Variants in KMT2E observed in about 807,000 individuals in gnomAD.
The protein encoded by KMT2E is histone reader KMT2E.
A neutral mutation model predicts 184.6 loss-of-function variants in KMT2E; 30 were observed. That is an observed-to-expected ratio of 0.16 (90% CI 0.12 to 0.22). KMT2E has a LOEUF of 0.22. KMT2E is among the 10% of genes least tolerant of loss of function. The pLI, the probability that KMT2E is intolerant of heterozygous loss-of-function variation, is 1.00. For missense variants in KMT2E, 2,023 were observed against 2,237.4 expected, an observed-to-expected ratio of 0.90 and a Z score of 1.93; for synonymous variants, 815 against 776.5, an observed-to-expected ratio of 1.05 and a Z score of -0.82.
intron 1 of KMT2E, among the ~76,000 whole-genome samples, chr7:105,035,117 T>C (rs1462506617): frequency 6.6e-6 from 1 of 150,408 alleles, no homozygotes; most frequent in Non-Finnish European, 1.5e-5. Context: ...CTCCGCCTCC[T>C]GGGTTCATGC....
chr7:105,112,787 A>ACTCCCCCC lies in KMT2E; in HGVS notation c.5032_5033insTCCCCCCC (p.Pro1678LeufsTer37). 6.8e-7 allele frequency: 1 copy of ACTCCCCCC among 1,462,824 alleles called. No individual in the cohort carries two copies. The highest frequency in any genetic ancestry group is 1.2e-5 in the South Asian group (1 of 86,788). 90.6% of individuals were successfully genotyped at this position (1,462,824 alleles called of 1,614,324 possible). A position where few individuals can be genotyped will look rare whatever the true frequency, so the allele number is the denominator to read the frequency against. ...ATTCTCAAACTGCTGGACACCACTT[A>ACTCCCCCC]CCCCCACCCCCACCCCCTCCTGGTC... On this transcript the variant is annotated frameshift_variant, in exon 27 of 27. Coordinates refer to ENST00000311117, the MANE Select transcript of KMT2E (RefSeq NM_182931.3). LOFTEE classifies it high-confidence loss of function.
intron 2 of KMT2E, among the ~76,000 whole-genome samples, chr7:105,039,513 C>T (rs962668983): frequency 6.6e-6 from 1 of 152,166 alleles, no homozygotes; most frequent in African/African-American, 2.4e-5. Flanking sequence ...ATTCTTATAT[C>T]TGCCTGTAAT....
intron 1 of KMT2E, among the ~76,000 whole-genome samples, chr7:105,027,261 T>C (rs1325992771): frequency 6.6e-6 from 1 of 151,254 alleles, no homozygotes; most frequent in Non-Finnish European, 1.5e-5. Flanking sequence ...TTAAAACAAA[T>C]TTTTTTTTGT....
chr7:105,018,482 A>C (rs1354745513), intron 1 of KMT2E, among the ~76,000 whole-genome samples: 2 of 152,194 alleles, frequency 1.3e-5, no homozygotes, highest in East Asian at 3.8e-4. Context: ...TTTACATCTC[A>C]AATATGTAGG....
chr7:105,087,506 C>T (rs996258747), intron 13 of KMT2E, among the ~76,000 whole-genome samples: 57 of 151,202 alleles, frequency 3.8e-4, no homozygotes, highest in African/African-American at 1.4e-3. Flanking sequence ...TCACTGCAAC[C>T]TCCGCCTCCT....
intron 4 of KMT2E, 121 bp from the exon 5 acceptor site, chr7:105,063,230 A>G (rs1244287669): frequency 3.0e-6 from 2 of 672,850 alleles, no homozygotes; most frequent in African/African-American, 3.7e-5. Context: ...TAAGGAAGGA[A>G]TGAGCCAGTC....
At chr7:105,038,319 G>A (rs958515613) in intron 2 of KMT2E, 120 bp downstream of exon 2, 2 of 151,514 alleles carry the variant, frequency 1.3e-5, no homozygotes, top group African/African-American at 2.4e-5. Context: ...GTGAAACATT[G>A]TGTTAATTGT....
intron 1 of KMT2E, among the ~76,000 whole-genome samples, chr7:105,020,837 G>T (rs780806953): frequency 6.6e-6 from 1 of 152,176 alleles, no homozygotes; most frequent in Non-Finnish European, 1.5e-5. Flanking sequence ...TTAGTAAAAA[G>T]TGAGGAATAT....
chr7:105,097,271 ATGC>A (rs1411410014), intron 15 of KMT2E, among the ~76,000 whole-genome samples: 3 of 151,852 alleles, frequency 2.0e-5, no homozygotes, highest in African/African-American at 2.4e-5. Flanking sequence ...TCCTCCGTTG[ATGC>A]TGATTTTTTT....
At chr7:105,056,378 A>T (rs1326147096) in intron 3 of KMT2E, among the ~76,000 whole-genome samples, 1 of 152,178 alleles carries the variant, frequency 6.6e-6, no homozygotes, top group Non-Finnish European at 1.5e-5. Flanking sequence ...GGCTCTATCT[A>T]TTACAAGGGT....
chr7:105,054,097 G>A (rs1003754150), intron 3 of KMT2E, among the ~76,000 whole-genome samples: 3 of 151,950 alleles, frequency 2.0e-5, no homozygotes, highest in East Asian at 1.9e-4. Flanking sequence ...ACTTGAACCC[G>A]GGAGGTGGAG....
At chr7:105,107,274 T>C in intron 21 of KMT2E, 52 bp downstream of exon 21, 1 of 1,501,842 alleles carries the variant, frequency 6.7e-7, no homozygotes, top group South Asian at 1.2e-5. Context: ...CCTATTACAT[T>C]GTTTTCCTTA....
At chr7:105,084,458 T>A (rs1398973062) in intron 13 of KMT2E, among the ~76,000 whole-genome samples, 3 of 152,070 alleles carry the variant, frequency 2.0e-5, no homozygotes, top group Non-Finnish European at 4.4e-5. Flanking sequence ...AAACCCCATC[T>A]CTACTAAAAA....
In KMT2E at chr7:105,089,427, T is replaced by C. The variant is rs577982336; in HGVS notation, c.1359-582T>C. 167 of 231,006 alleles carry C rather than the reference T, an allele frequency of 7.2e-4. 1 individual carries two copies. The highest frequency in any genetic ancestry group is 3.2e-4 in the Non-Finnish European group (36 of 113,624). The allele number at this position is 231,006 out of a possible 1,614,324, so 14.3% of individuals were successfully genotyped here. A position where few individuals can be genotyped will look rare whatever the true frequency, so the allele number is the denominator to read the frequency against. ...TTGGCCAGGCTGGTCTCAAGTGATC[T>C]GCCCGCCTTGGCCTCCCAAAGTTCT... On this transcript the variant is annotated intron_variant, in intron 13 of 26. Coordinates refer to ENST00000311117, the MANE Select transcript of KMT2E (RefSeq NM_182931.3).
At chr7:105,028,155 T>A (rs1226054637) in intron 1 of KMT2E, among the ~76,000 whole-genome samples, 1 of 151,916 alleles carries the variant, frequency 6.6e-6, no homozygotes, top group East Asian at 1.9e-4. Flanking sequence ...CTGAGTGGCA[T>A]AGAGGAACTG....
Position 105,091,199 on chromosome 7 carries a change from T to A in KMT2E, c.1624-17T>A, listed in dbSNP as rs370777672. On this transcript the variant is annotated splice_polypyrimidine_tract_variant and intron_variant, in intron 14 of 26. Transcript: ENST00000311117. ...TGGAATAATAGTTTGTATAAAGAAGTCATTTCCATTTTTCAGGAACCAGAT... is the reference window on the plus strand; with the variant it reads ...TGGAATAATAGTTTGTATAAAGAAGACATTTCCATTTTTCAGGAACCAGAT... The A allele has an allele frequency of 1.9e-5, 22 of 1,159,458 alleles. No homozygotes were observed. The highest frequency in any genetic ancestry group is 2.7e-5 in the Non-Finnish European group (21 of 771,916). The allele number at this position is 1,159,458 out of a possible 1,614,324, so 71.8% of individuals were successfully genotyped here. A position where few individuals can be genotyped will look rare whatever the true frequency, so the allele number is the denominator to read the frequency against.
intron 23 of KMT2E, 112 bp downstream of exon 23, chr7:105,109,340 T>C: frequency 2.8e-6 from 3 of 1,083,398 alleles, no homozygotes; most frequent in Non-Finnish European, 3.9e-6. Flanking sequence ...GGTCACAATT[T>C]TAAAAGATTC....
In KMT2E at chr7:105,020,008, C is replaced by T. The variant is rs1418089747; in HGVS notation, c.-189+5473C>T. Among the ~76,000 whole-genome samples the T allele has an allele frequency of 2.7e-5, 4 of 150,306 alleles. No homozygotes were observed. The South Asian group carries it at 6.3e-4, about 24-fold the overall frequency. The stretch of plus-strand genomic sequence containing the variant: ...CTGCAATCCTACCTACTCAGGAGGG[C>T]GAGGCAGGAGAATTGCTTGAACCCA... On this transcript the variant is annotated intron_variant, in intron 1 of 26. Coordinates refer to ENST00000311117, the MANE Select transcript of KMT2E (RefSeq NM_182931.3).
At chr7:105,109,793 A>G (rs17721388) in intron 23 of KMT2E, among the ~76,000 whole-genome samples, 1 of 151,866 alleles carries the variant, frequency 6.6e-6, no homozygotes, top group Non-Finnish European at 1.5e-5. Flanking sequence ...GAGTCCTTCA[A>G]ATAAGGATAA....
Sources: allele counts gnomAD v4.1 joint callset (sites outside exome capture counted in the v4.1 genomes callset), GRCh38; gene constraint gnomAD v4.1.1; transcripts MANE v1.5; gene names NCBI Gene and HGNC (gene_info 2026-07-23, HGNC 2026-07-21).